ISCA1: variants seen among roughly 807,000 people sequenced by gnomAD.
ISCA1 encodes the protein iron-sulfur cluster assembly 1 homolog, mitochondrial.
In ISCA1, 9 loss-of-function variants were observed where a neutral mutation model predicts 14.7. The ratio of observed to expected loss-of-function variants is 0.61; its 90% CI spans 0.37 to 1.07. ISCA1 has a LOEUF of 1.07. Among genes scored for constraint, ISCA1 ranks in the 50% least tolerant of loss-of-function variants. ISCA1 has a pLI of 0.01. For missense variants in ISCA1, 102 were observed against 150.1 expected (o/e 0.68, Z 1.67); for synonymous variants, 38 against 54.3 (o/e 0.70, Z 1.32).
At chr9:86,274,135 A>G in intron 2 of ISCA1, 54 bp downstream of exon 2, 2 of 984,202 alleles carry the variant, frequency 2.0e-6, no homozygotes, top group South Asian at 2.6e-5. Context: ...GGATAAATTC[A>G]TTCTGAAAAT....
At position 86,272,051 on chromosome 9, in the gene ISCA1, T is replaced by C; in HGVS notation, c.197A>G (p.Tyr66Cys). The change falls in exon 3 of 4, where the codon TAT becomes TGT. Residue 66 changes from tyrosine to cysteine, a missense_variant. Transcript: ENST00000375991. ...ATCAGAATCTCCTTTTGTCTTTGTA[T>C]ATTCTAGAGTATAAGAAAGGCCATT... ...GCNGLSYTLE[Y>C]TKTKGDSDEE... 2 of 1,606,886 alleles carry C rather than the reference T, an allele frequency of 1.2e-6. No homozygotes were observed. Among genetic ancestry groups the C allele is most frequent in the Non-Finnish European group, 1.7e-6 (2 of 1,174,162 alleles).
chr9:86,280,971 A>C lies in ISCA1; in HGVS notation c.81+1407T>G, dbSNP rs1052087855. Among the ~76,000 whole-genome samples the C allele has an allele frequency of 3.6e-4, 45 of 124,890 alleles. No homozygotes were observed. In the South Asian group the frequency reaches 7.7e-3, roughly 21 times the overall value. The allele number at this position is 124,890 out of a possible 152,430, so 81.9% of individuals were successfully genotyped here. A position where few individuals can be genotyped will look rare whatever the true frequency, so the allele number is the denominator to read the frequency against. ...AAACAAACAAACAAACAAAAAACAA[A>C]AAACAAAAAACCCAGTTAATAGGGT... On this transcript the variant is annotated intron_variant, in intron 1 of 3. Coordinates refer to ENST00000375991, the MANE Select transcript of ISCA1 (RefSeq NM_030940.4).
At chr9:86,280,768 AG>A (rs1201075059) in intron 1 of ISCA1, among the ~76,000 whole-genome samples, 2 of 151,982 alleles carry the variant, frequency 1.3e-5, no homozygotes, top group African/African-American at 4.8e-5. Context: ...TGGGCAACCC[AG>A]GGAGACCCTA....
chr9:86,273,325 T>C (rs1265134524), intron 2 of ISCA1, among the ~76,000 whole-genome samples: 1 of 152,180 alleles, frequency 6.6e-6, no homozygotes, highest in Non-Finnish European at 1.5e-5. Flanking sequence ...AACTCAACAA[T>C]TCTGTATCTA....
Position 86,265,283 on chromosome 9 carries a change from G to C in ISCA1, c.*760C>G, listed in dbSNP as rs561005210. On this transcript the variant is annotated 3_prime_UTR_variant, in exon 4 of 4. Coordinates refer to ENST00000375991, the MANE Select transcript of ISCA1 (RefSeq NM_030940.4). The stretch of plus-strand genomic sequence containing the variant: ...AGTCCCTACTCTCCCCCGGCCTGTG[G>C]TGTCAGGGTGGACAGGAGCCCTTTG... 3 of 152,336 alleles carry C rather than the reference G, an allele frequency of 2.0e-5. No individual in the cohort carries two copies. The highest frequency in any genetic ancestry group is 1.3e-4 in the Admixed American group (2 of 15,300). The allele number at this position is 152,336 out of a possible 1,614,324, so 9.4% of individuals were successfully genotyped here. A position where few individuals can be genotyped will look rare whatever the true frequency, so the allele number is the denominator to read the frequency against.
At chr9:86,274,058 T>C in intron 2 of ISCA1, 131 bp downstream of exon 2, 1 of 588,258 alleles carries the variant, frequency 1.7e-6, no homozygotes, top group South Asian at 2.3e-5. Context: ...TTGAATTTTT[T>C]AAAAATCCTG....
intron 3 of ISCA1, among the ~76,000 whole-genome samples, chr9:86,270,998 T>G (rs1469745537): frequency 6.8e-6 from 1 of 146,854 alleles, no homozygotes; most frequent in Non-Finnish European, 1.5e-5. Flanking sequence ...TGCTAAATGA[T>G]GAGTTAATGG....
chr9:86,267,835 TA>T (rs34344174), intron 3 of ISCA1: 262 of 117,710 alleles, frequency 2.2e-3, no homozygotes, highest in South Asian at 7.3e-3. Context: ...CATCTCAAAT[TA>T]AAAAAAAAAA....
At chr9:86,277,478 T>TA (rs910870764) in intron 1 of ISCA1, among the ~76,000 whole-genome samples, 55 of 152,000 alleles carry the variant, frequency 3.6e-4, no homozygotes, top group African/African-American at 1.2e-3. Flanking sequence ...AGTTGGGACT[T>TA]AAAAAAAATC....
At chr9:86,271,156 ATACT>A (rs1388649526) in intron 3 of ISCA1, among the ~76,000 whole-genome samples, 18 of 152,162 alleles carry the variant, frequency 1.2e-4, no homozygotes, top group Admixed American at 6.5e-5. Context: ...GTTTACACAA[ATACT>A]TACCATTGTG....
chr9:86,267,589 A>G (rs1466919284), intron 3 of ISCA1: 2 of 861,376 alleles, frequency 2.3e-6, no homozygotes, highest in Non-Finnish European at 2.8e-6. Context: ...TTAATTATAA[A>G]TTAAATTATA....
At chr9:86,276,870 CAAAAAAAAAAAAAA>C (rs35460722) in intron 1 of ISCA1, among the ~76,000 whole-genome samples, 3 of 39,910 alleles carry the variant, frequency 7.5e-5, no homozygotes, top group African/African-American at 1.9e-4. Context: ...GACTCTGTCT[CAAAAAAAAAAAAAA>C]AAAAAAAAAA....
rs1396497925 is a variant in ISCA1, at chr9:86,272,054, T to G, written c.194A>C (p.Glu65Ala). Residue 65 changes from glutamate to alanine, a missense_variant, in exon 3 of 4, where the codon GAA becomes GCA. Glu to Ala is a moderately radical substitution (Grantham distance 107). Coordinates refer to ENST00000375991, the MANE Select transcript of ISCA1 (RefSeq NM_030940.4). ...AGAATCTCCTTTTGTCTTTGTATATTCTAGAGTATAAGAAAGGCCATTACA... is the reference window on the plus strand; with the variant it reads ...AGAATCTCCTTTTGTCTTTGTATATGCTAGAGTATAAGAAAGGCCATTACA... ...RGCNGLSYTL[E>A]YTKTKGDSDE... 6.2e-7 allele frequency: 1 copy of G among 1,607,882 alleles called. No individual in the cohort carries two copies. Among genetic ancestry groups the G allele is most frequent in the Non-Finnish European group, 8.5e-7 (1 of 1,174,904 alleles).
chr9:86,265,937 T>G lies in ISCA1; in HGVS notation c.*106A>C, dbSNP rs536278498. ...CAACACACTGGATTCATTTTCAAGA[T>G]GTATCACTTTATTTTCCAGCACGTG... On this transcript the variant is annotated 3_prime_UTR_variant, in exon 4 of 4. Transcript: ENST00000375991. 4.7e-6 allele frequency: 7 copies of G among 1,489,352 alleles called. No individual in the cohort carries two copies. The South Asian group carries it at 6.8e-5, about 15-fold the overall frequency. The allele number at this position is 1,489,352 out of a possible 1,614,324, so 92.3% of individuals were successfully genotyped here.
At chr9:86,278,087 G>A (rs1274253459) in intron 1 of ISCA1, among the ~76,000 whole-genome samples, 1 of 152,086 alleles carries the variant, frequency 6.6e-6, no homozygotes, top group Non-Finnish European at 1.5e-5. Flanking sequence ...CAAAGCTAAA[G>A]TTAACTCTGT....
intron 3 of ISCA1, among the ~76,000 whole-genome samples, chr9:86,268,817 CAG>C (rs1354294687): frequency 1.3e-5 from 2 of 151,830 alleles, no homozygotes; most frequent in Non-Finnish European, 1.5e-5. Flanking sequence ...TTTTTTGAGA[CAG>C]AGTCTCACTT....
intron 3 of ISCA1, among the ~76,000 whole-genome samples, chr9:86,270,787 T>C (rs1159713775): frequency 1.3e-5 from 2 of 150,568 alleles, no homozygotes; most frequent in Non-Finnish European, 3.0e-5. Context: ...GTTCATGTCC[T>C]TTGTAGGGAC....
At chr9:86,267,471 A>G in intron 3 of ISCA1, 3 of 969,810 alleles carry the variant, frequency 3.1e-6, no homozygotes, top group Non-Finnish European at 3.7e-6. Context: ...GTAGGTAAGA[A>G]CTGCAAGCTA....
intron 1 of ISCA1, among the ~76,000 whole-genome samples, chr9:86,274,851 A>G (rs1475745843): frequency 1.3e-5 from 2 of 152,326 alleles, no homozygotes; most frequent in East Asian, 3.9e-4. Context: ...GGAGATCTAG[A>G]TGAACAAAAC....
Sources: allele counts gnomAD v4.1 joint callset (sites outside exome capture counted in the v4.1 genomes callset), GRCh38; gene constraint gnomAD v4.1.1; transcripts MANE v1.5; gene names NCBI Gene and HGNC (gene_info 2026-07-23, HGNC 2026-07-21).